EFNA5: variants seen among roughly 807,000 people sequenced by gnomAD.
EFNA5 encodes ephrin-A5.
EFNA5 carries 5 observed loss-of-function variants against 22.9 expected under a neutral mutation model. The observed-to-expected ratio is 0.22, with a 90% CI of 0.11 to 0.46. The LOEUF (loss-of-function observed/expected upper bound fraction) is 0.46, where lower values mean the gene tolerates loss of function less well. Among genes scored for constraint, EFNA5 ranks in the 20% least tolerant of loss-of-function variants. The pLI, the probability that EFNA5 is intolerant of heterozygous loss-of-function variation, is 0.99. For synonymous variants in EFNA5, 113 were observed against 112.2 expected (o/e 1.01, Z -0.04); for missense variants, 237 against 293.3 (o/e 0.81, Z 1.40).
chr5:107,573,155 T>C (rs569224671), intron 1 of EFNA5, among the ~76,000 whole-genome samples: 1 of 152,284 alleles, frequency 6.6e-6, no homozygotes, highest in Non-Finnish European at 1.5e-5. Flanking sequence ...CAGCTCAGGC[T>C]GAACTTGGCT....
chr5:107,516,306 G>A (rs547187235), intron 1 of EFNA5, among the ~76,000 whole-genome samples: 103 of 151,920 alleles, frequency 6.8e-4, no homozygotes, highest in African/African-American at 2.4e-3. Flanking sequence ...CCAAAGTGCT[G>A]GGATTATAGG....
intron 1 of EFNA5, among the ~76,000 whole-genome samples, chr5:107,491,465 C>T (rs180751526): frequency 2.0e-5 from 3 of 152,298 alleles, no homozygotes; most frequent in Admixed American, 6.5e-5. Context: ...GTGTCCACCA[C>T]CATGCCTGGC....
intron 1 of EFNA5, among the ~76,000 whole-genome samples, chr5:107,476,046 C>CCATATATATATA (rs1554061606): frequency 3.2e-5 from 1 of 31,284 alleles, no homozygotes; most frequent in African/African-American, 3.4e-4. Flanking sequence ...AGTTTTTAAA[C>CCATATATATATA]TATATATATA....
At chr5:107,532,610 AT>A (rs1747837618) in intron 1 of EFNA5, among the ~76,000 whole-genome samples, 1 of 152,212 alleles carries the variant, frequency 6.6e-6, no homozygotes, top group Non-Finnish European at 1.5e-5. Flanking sequence ...TATTGAAGGT[AT>A]TTAGAAAGGA....
At chr5:107,545,772 C>T (rs996025037) in intron 1 of EFNA5, among the ~76,000 whole-genome samples, 1 of 152,138 alleles carries the variant, frequency 6.6e-6, no homozygotes, top group East Asian at 1.9e-4. Context: ...GTAATCAACT[C>T]GGCTTCAACA....
intron 1 of EFNA5, among the ~76,000 whole-genome samples, chr5:107,571,843 A>C (rs888433634): frequency 6.6e-6 from 1 of 152,012 alleles, no homozygotes; most frequent in Non-Finnish European, 1.5e-5. Flanking sequence ...AAAACAGCAA[A>C]ATGCTCAATG....
chr5:107,608,048 A>T (rs1749758897), intron 1 of EFNA5, among the ~76,000 whole-genome samples: 3 of 152,176 alleles, frequency 2.0e-5, no homozygotes, highest in South Asian at 4.1e-4. Context: ...ACGTTCAGCA[A>T]CGTCAAAACG....
intron 1 of EFNA5, among the ~76,000 whole-genome samples, chr5:107,520,979 TTAATTA>T (rs1164884525): frequency 1.3e-5 from 2 of 152,210 alleles, no homozygotes. Context: ...TTTAGTCAAT[TTAATTA>T]TAAGATAAAT....
At chr5:107,448,641 C>T (rs1019230982) in intron 1 of EFNA5, among the ~76,000 whole-genome samples, 1 of 151,676 alleles carries the variant, frequency 6.6e-6, no homozygotes. Flanking sequence ...CCAGCCTGGC[C>T]AACATGATGA....
chr5:107,538,348 A>T (rs998674412), intron 1 of EFNA5, among the ~76,000 whole-genome samples: 3 of 152,234 alleles, frequency 2.0e-5, no homozygotes, highest in African/African-American at 7.2e-5. Flanking sequence ...GTACTTACTG[A>T]GCCTCTATTA....
intron 1 of EFNA5, among the ~76,000 whole-genome samples, chr5:107,447,252 T>C (rs1410656174): frequency 7.1e-6 from 1 of 141,460 alleles, no homozygotes; most frequent in African/African-American, 2.6e-5. Flanking sequence ...CTAAGTGTCT[T>C]CACACTGCAT....
At chr5:107,556,270 G>GCAC (rs1748412693) in intron 1 of EFNA5, among the ~76,000 whole-genome samples, 1 of 151,972 alleles carries the variant, frequency 6.6e-6, no homozygotes, top group African/African-American at 2.4e-5. Flanking sequence ...TATGTGCCAG[G>GCAC]CACCATGTGA....
chr5:107,510,012 C>A (rs895930773), intron 1 of EFNA5, among the ~76,000 whole-genome samples: 1 of 152,156 alleles, frequency 6.6e-6, no homozygotes, highest in Non-Finnish European at 1.5e-5. Flanking sequence ...TAAAATGAGG[C>A]TGAGAGCTAC....
At chr5:107,535,832 C>G (rs1747919038) in intron 1 of EFNA5, among the ~76,000 whole-genome samples, 1 of 152,220 alleles carries the variant, frequency 6.6e-6, no homozygotes, top group African/African-American at 2.4e-5. Flanking sequence ...GATGGAACAT[C>G]AATACTGTGT....
chr5:107,542,056 C>T (rs1374825834), intron 1 of EFNA5, among the ~76,000 whole-genome samples: 3 of 152,084 alleles, frequency 2.0e-5, no homozygotes, highest in African/African-American at 7.2e-5. Context: ...TTTCCCAAAA[C>T]AAATCACGAC....
intron 1 of EFNA5, among the ~76,000 whole-genome samples, chr5:107,659,587 A>C (rs537138041): frequency 2.0e-5 from 3 of 151,524 alleles, no homozygotes; most frequent in East Asian, 3.9e-4. Context: ...AAAAGCCATC[A>C]AAAGAGAAAA....
chr5:107,636,084 A>G (rs1366418883), intron 1 of EFNA5, among the ~76,000 whole-genome samples: 3 of 152,232 alleles, frequency 2.0e-5, no homozygotes, highest in Non-Finnish European at 2.9e-5. Context: ...CTGAAATCAG[A>G]GTATCAGACA....
chr5:107,423,412 T>A (rs1404106887), intron 2 of EFNA5, among the ~76,000 whole-genome samples: 5 of 57,242 alleles, frequency 8.7e-5, no homozygotes, highest in Non-Finnish European at 8.0e-5. Flanking sequence ...AAAAGGAGTA[T>A]TAAAAAAAAA....
chr5:107,631,982 T>G (rs953268972), intron 1 of EFNA5, among the ~76,000 whole-genome samples: 1 of 152,226 alleles, frequency 6.6e-6, no homozygotes, highest in South Asian at 2.1e-4. Flanking sequence ...AGGAGATTCT[T>G]GCAACAGACA....
Sources: gnomAD v4.1 joint callset for allele counts (sites outside exome capture counted in the v4.1 genomes callset) on GRCh38, gnomAD v4.1.1 for gene constraint, MANE v1.5 for transcripts, NCBI Gene and HGNC (gene_info 2026-07-23, HGNC 2026-07-21) for gene names.